ATP6V0A4: variants seen among roughly 807,000 people sequenced by gnomAD.
ATP6V0A4 encodes the protein ATPase H+ transporting V0 subunit a4.
A neutral mutation model predicts 107.3 loss-of-function variants in ATP6V0A4; 86 were observed. The ratio of observed to expected loss-of-function variants is 0.80; its 90% CI spans 0.67 to 0.96. The LOEUF (loss-of-function observed/expected upper bound fraction) is 0.96. ATP6V0A4 is among the 40% of genes least tolerant of loss of function. The pLI is 0.00. For missense variants in ATP6V0A4, 908 were observed against 1,045.6 expected, an observed-to-expected ratio of 0.87 and a Z score of 1.81; for synonymous variants, 353 against 381.4, an observed-to-expected ratio of 0.93 and a Z score of 0.87.
At chr7:138,741,955 C>A (rs1037638763) in intron 14 of ATP6V0A4, among the ~76,000 whole-genome samples, 1 of 152,108 alleles carries the variant, frequency 6.6e-6, no homozygotes, top group African/African-American at 2.4e-5. Flanking sequence ...CAATTCAAGA[C>A]CAAAGAGTCT....
intron 5 of ATP6V0A4, among the ~76,000 whole-genome samples, chr7:138,765,991 A>G (rs149113598): frequency 1.6e-3 from 251 of 152,202 alleles, no homozygotes; most frequent in African/African-American, 5.7e-3. Context: ...AGCTCAAGCA[A>G]TCCTCCTGCC....
intron 1 of ATP6V0A4, among the ~76,000 whole-genome samples, chr7:138,788,643 C>T (rs1411113026): frequency 6.6e-6 from 1 of 152,130 alleles, no homozygotes; most frequent in African/African-American, 2.4e-5. Flanking sequence ...GTGTCCCCAC[C>T]CAAATCTCAT....
At chr7:138,728,346 C>T (rs553901036) in intron 18 of ATP6V0A4, among the ~76,000 whole-genome samples, 7 of 152,208 alleles carry the variant, frequency 4.6e-5, no homozygotes, top group African/African-American at 1.7e-4. Flanking sequence ...CCTGCCTCAG[C>T]CTCCCAAGTA....
rs2117308653 is a variant in ATP6V0A4, at chr7:138,759,773, G to A, written c.618C>T (p.Ala206=). 1 of 1,614,078 alleles carries A rather than the reference G, an allele frequency of 6.2e-7. No homozygotes were observed. Among genetic ancestry groups the A allele is most frequent in the East Asian group, 2.2e-5 (1 of 44,874 alleles). Residue 206 remains alanine (A), a synonymous_variant, in exon 8 of 22, where the codon GCC becomes GCT. Transcript: ENST00000310018. ...NVYLKFSEMD[A]PLEDPVTKEE... Reference sequence around the variant, plus strand: ...CCACCGTCACAGGATCCTCCAGAGGGGCGTCCATCTCACTGAACTTCAAGT... The same window carrying A: ...CCACCGTCACAGGATCCTCCAGAGGAGCGTCCATCTCACTGAACTTCAAGT...
At chr7:138,730,259 C>G (rs970160477) in intron 17 of ATP6V0A4, among the ~76,000 whole-genome samples, 1 of 152,070 alleles carries the variant, frequency 6.6e-6, no homozygotes, top group African/African-American at 2.4e-5. Flanking sequence ...TCCTAGTACC[C>G]GCACACAATG....
At chr7:138,728,578 T>C (rs1804832186) in intron 18 of ATP6V0A4, among the ~76,000 whole-genome samples, 183 bp downstream of exon 18, 1 of 152,020 alleles carries the variant, frequency 6.6e-6, no homozygotes, top group African/African-American at 2.4e-5. Flanking sequence ...TCGTTGGAAA[T>C]AAGACGGCCC....
At chr7:138,720,213 C>G (rs1451194121) in intron 19 of ATP6V0A4, among the ~76,000 whole-genome samples, 1 of 151,978 alleles carries the variant, frequency 6.6e-6, no homozygotes, top group Non-Finnish European at 1.5e-5. Context: ...AGGACTGCAC[C>G]CTTAACCTTG....
intron 2 of ATP6V0A4, among the ~76,000 whole-genome samples, chr7:138,782,742 G>C (rs1807979622): frequency 6.6e-6 from 1 of 152,104 alleles, no homozygotes; most frequent in Non-Finnish European, 1.5e-5. Context: ...CAGGATTCTG[G>C]GGACTCAGAG....
chr7:138,715,700 A>T (rs565033241), intron 20 of ATP6V0A4, 64 bp downstream of exon 20: 267 of 1,571,180 alleles, frequency 1.7e-4, no homozygotes, highest in Middle Eastern at 5.0e-4. Flanking sequence ...TTCCAAATAC[A>T]TGGCACCTAT....
At chr7:138,709,916 G>T in intron 20 of ATP6V0A4, 121 bp from the exon 21 acceptor site, 1 of 1,195,906 alleles carries the variant, frequency 8.4e-7, no homozygotes, top group Non-Finnish European at 1.1e-6. Flanking sequence ...GTCTCACTCT[G>T]TTGCCTAGGA....
At chr7:138,752,091 C>T (rs1037781085) in intron 11 of ATP6V0A4, among the ~76,000 whole-genome samples, 1 of 152,096 alleles carries the variant, frequency 6.6e-6, no homozygotes, top group Non-Finnish European at 1.5e-5. Context: ...TCAGTATGGC[C>T]GGGTGTGATG....
chr7:138,711,260 C>T (rs1023848987), intron 20 of ATP6V0A4, among the ~76,000 whole-genome samples: 5 of 152,064 alleles, frequency 3.3e-5, no homozygotes, highest in African/African-American at 7.2e-5. Context: ...GGATGGGGAT[C>T]GGAAAAAACC....
chr7:138,718,587 A>AATGGGGAGGG (rs1804252499), intron 19 of ATP6V0A4, among the ~76,000 whole-genome samples: 1 of 52,424 alleles, frequency 1.9e-5, no homozygotes, highest in African/African-American at 9.2e-5. Context: ...CATGGGGCGG[A>AATGGGGAGGG]ATGGGGAGGA....
In ATP6V0A4 at chr7:138,764,505, T is replaced by C. The variant is rs114455422; in HGVS notation, c.292-1480A>G. Among the ~76,000 whole-genome samples the C allele has an allele frequency of 3.1e-3, 478 of 152,276 alleles. 3 individuals carry two copies. The highest frequency in any genetic ancestry group is 0.011 in the African/African-American group (467 of 41,554). The stretch of plus-strand genomic sequence containing the variant: ...ACATATATCCACAAAGGGGTGATAA[T>C]TGAACCAGTAGCAAATATTATGAGA... On this transcript the variant is annotated intron_variant, in intron 5 of 21. Coordinates refer to ENST00000310018, the MANE Select transcript of ATP6V0A4 (RefSeq NM_020632.3).
At chr7:138,782,960 A>C (rs1057288345) in intron 2 of ATP6V0A4, among the ~76,000 whole-genome samples, 1 of 152,146 alleles carries the variant, frequency 6.6e-6, no homozygotes, top group Non-Finnish European at 1.5e-5. Context: ...CTGTAATCCC[A>C]GCTACTCGGG....
At chr7:138,793,052 G>A (rs1808499194) in intron 1 of ATP6V0A4, among the ~76,000 whole-genome samples, 1 of 152,098 alleles carries the variant, frequency 6.6e-6, no homozygotes, top group Non-Finnish European at 1.5e-5. Context: ...CCAGCACTTT[G>A]GGAGGCTGAG....
chr7:138,752,527 G>T, intron 11 of ATP6V0A4, 98 bp downstream of exon 11: 1 of 1,462,206 alleles, frequency 6.8e-7, no homozygotes. Context: ...CTACCACCAA[G>T]TCACTTGAGT....
At chr7:138,751,638 G>A (rs1806230007) in intron 11 of ATP6V0A4, among the ~76,000 whole-genome samples, 1 of 151,874 alleles carries the variant, frequency 6.6e-6, no homozygotes, top group South Asian at 2.1e-4. Flanking sequence ...CTGCCAGTGT[G>A]TAAGCCCTAG....
rs1806868698 is a variant in ATP6V0A4, at chr7:138,762,399, C to T, written c.453G>A (p.Glu151=). The T allele has an allele frequency of 6.2e-7, 1 of 1,614,118 alleles. No homozygotes were observed. The highest frequency in any genetic ancestry group is 2.2e-5 in the East Asian group (1 of 44,882). The change falls in exon 7 of 22, where the codon GAG becomes GAA. Residue 151 remains glutamate, a synonymous_variant. Coordinates refer to ENST00000310018, the MANE Select transcript of ATP6V0A4 (RefSeq NM_020632.3). The part of the protein sequence containing the change: ...ETNLADDFFT[E]DTSGLLELKA... ...TCAACTCCAGGAGGCCAGAAGTGTCCTCAGTAAAGAAATCATCAGCTAAAT... is the reference window on the plus strand; with the variant it reads ...TCAACTCCAGGAGGCCAGAAGTGTCTTCAGTAAAGAAATCATCAGCTAAAT...
Sources: allele counts gnomAD v4.1 joint callset (sites outside exome capture counted in the v4.1 genomes callset), GRCh38; gene constraint gnomAD v4.1.1; transcripts MANE v1.5; gene names NCBI Gene and HGNC (gene_info 2026-07-23, HGNC 2026-07-21).